PCSK5: variants seen among roughly 807,000 people sequenced by gnomAD.
PCSK5 encodes prohormone convertase 5.
A neutral mutation model predicts 233.2 loss-of-function variants in PCSK5; 129 were observed. The ratio of observed to expected loss-of-function variants is 0.55; its 90% CI spans 0.48 to 0.64. PCSK5 has a LOEUF of 0.64. PCSK5 is among the 30% of genes least tolerant of loss of function. PCSK5 has a pLI of 0.00. For synonymous variants in PCSK5, 825 were observed against 879.2 expected (o/e 0.94, Z 1.09); for missense variants, 2,076 against 2,430.1 (o/e 0.85, Z 3.06).
intron 20 of PCSK5, among the ~76,000 whole-genome samples, chr9:76,190,314 C>G (rs1215329362): frequency 1.4e-5 from 2 of 141,150 alleles, no homozygotes; most frequent in Non-Finnish European, 3.0e-5. Flanking sequence ...ACCTACTCAT[C>G]TCTCCCACCC....
At chr9:76,117,168 G>A (rs529547405) in intron 9 of PCSK5, among the ~76,000 whole-genome samples, 112 of 152,066 alleles carry the variant, frequency 7.4e-4, no homozygotes, top group Non-Finnish European at 1.3e-3. Context: ...GCCTGGCACC[G>A]TGCTAAGAAC....
chr9:76,219,395 C>A (rs1164113623), intron 20 of PCSK5, among the ~76,000 whole-genome samples: 2 of 152,098 alleles, frequency 1.3e-5, no homozygotes, highest in Admixed American at 1.3e-4. Context: ...GAGGGAGGTT[C>A]ATTGGGTTGC....
In PCSK5 at chr9:76,320,535, A is replaced by G. The variant is rs559662988; in HGVS notation, c.3885-887A>G. 2.0e-4 allele frequency among the ~76,000 whole-genome samples: 24 copies of G among 119,992 alleles called. No homozygotes were observed. The South Asian group carries it at 6.8e-3, about 34-fold the overall frequency. The allele number at this position is 119,992 out of a possible 152,430, so 78.7% of individuals were successfully genotyped here. On this transcript the variant is annotated intron_variant, in intron 30 of 37. Transcript: ENST00000674117. ...CTAGGCTGGAGTGCAGTGGAGTGGC[A>G]CAATCTTGGCTCACCTCAACCTCTG...
chr9:76,297,162 G>A (rs1434577509), intron 27 of PCSK5, among the ~76,000 whole-genome samples: 5 of 152,174 alleles, frequency 3.3e-5, no homozygotes, highest in Admixed American at 3.3e-4. Flanking sequence ...AGTGAAGAGA[G>A]TCACGGAGGG....
chr9:75,975,064 A>G (rs1480576318), intron 2 of PCSK5, among the ~76,000 whole-genome samples: 1 of 152,218 alleles, frequency 6.6e-6, no homozygotes, highest in African/African-American at 2.4e-5. Context: ...TAAAAAACAT[A>G]GAACTGAAGC....
At chr9:76,322,474 T>C (rs1376679007) in intron 31 of PCSK5, among the ~76,000 whole-genome samples, 1 of 152,188 alleles carries the variant, frequency 6.6e-6, no homozygotes, top group East Asian at 1.9e-4. Flanking sequence ...GACAGACTCA[T>C]TTAACTGGTG....
intron 7 of PCSK5, among the ~76,000 whole-genome samples, chr9:76,087,851 T>G (rs1831126799): frequency 6.6e-6 from 1 of 152,056 alleles, no homozygotes; most frequent in South Asian, 2.1e-4. Flanking sequence ...GGTTCAGATG[T>G]GGAGGAAGAG....
intron 4 of PCSK5, among the ~76,000 whole-genome samples, chr9:76,025,894 T>C (rs1463889716): frequency 6.6e-6 from 1 of 151,934 alleles, no homozygotes; most frequent in Non-Finnish European, 1.5e-5. Flanking sequence ...TTATGAAAAA[T>C]AGCTCTAACT....
intron 8 of PCSK5, among the ~76,000 whole-genome samples, chr9:76,100,049 G>T (rs1203102378): frequency 3.9e-5 from 6 of 152,150 alleles, no homozygotes; most frequent in African/African-American, 1.4e-4. Context: ...GGAAAGCCTT[G>T]CCCTGGGTTT....
chr9:76,198,783 AACAG>A (rs1271083826), intron 20 of PCSK5, among the ~76,000 whole-genome samples: 1 of 152,190 alleles, frequency 6.6e-6, no homozygotes, highest in Non-Finnish European at 1.5e-5. Flanking sequence ...TAATGAGGGA[AACAG>A]ACACTTAGAC....
intron 7 of PCSK5, among the ~76,000 whole-genome samples, chr9:76,085,440 T>C (rs1006460437): frequency 6.6e-6 from 1 of 152,236 alleles, no homozygotes; most frequent in Non-Finnish European, 1.5e-5. Flanking sequence ...GGACTTGCTT[T>C]ACAGAGCTAT....
chr9:76,145,955 C>A (rs902909435), intron 10 of PCSK5, among the ~76,000 whole-genome samples: 1 of 152,236 alleles, frequency 6.6e-6, no homozygotes, highest in South Asian at 2.1e-4. Flanking sequence ...GCACCTAGCA[C>A]TATAAAGTGA....
At chr9:75,924,910 C>T (rs1823414951) in intron 1 of PCSK5, among the ~76,000 whole-genome samples, 1 of 152,170 alleles carries the variant, frequency 6.6e-6, no homozygotes, top group Non-Finnish European at 1.5e-5. Context: ...CGGGCAGGTT[C>T]TTACACTCTG....
At chr9:76,272,973 T>A (rs187325188) in intron 24 of PCSK5, among the ~76,000 whole-genome samples, 2 of 151,682 alleles carry the variant, frequency 1.3e-5, no homozygotes, top group East Asian at 3.9e-4. Context: ...CCCATCCTAT[T>A]ATTGAAAACC....
At chr9:75,983,364 A>G (rs941678435) in intron 2 of PCSK5, among the ~76,000 whole-genome samples, 1 of 152,266 alleles carries the variant, frequency 6.6e-6, no homozygotes, top group Admixed American at 6.5e-5. Flanking sequence ...AATGAGATAC[A>G]AGTTCAGCTG....
At chr9:76,249,942 G>A (rs1342840291) in intron 24 of PCSK5, among the ~76,000 whole-genome samples, 1 of 152,154 alleles carries the variant, frequency 6.6e-6, no homozygotes, top group Non-Finnish European at 1.5e-5. Flanking sequence ...TGGTGGATAA[G>A]TAAATAGGAA....
At chr9:76,279,106 C>T (rs933947609) in intron 24 of PCSK5, among the ~76,000 whole-genome samples, 1 of 135,406 alleles carries the variant, frequency 7.4e-6, no homozygotes, top group African/African-American at 2.8e-5. Context: ...TGTTCCCCTT[C>T]CTGTGTCCAT....
At chr9:76,091,357 A>T (rs556461608) in intron 7 of PCSK5, among the ~76,000 whole-genome samples, 14 of 151,986 alleles carry the variant, frequency 9.2e-5, no homozygotes, top group African/African-American at 3.1e-4. Context: ...GAGAGATCTG[A>T]GCTCTGTTAT....
At chr9:75,971,254 G>T (rs760798251) in intron 2 of PCSK5, among the ~76,000 whole-genome samples, 2 of 152,150 alleles carry the variant, frequency 1.3e-5, no homozygotes, top group African/African-American at 4.8e-5. Flanking sequence ...CCCTGCAAAG[G>T]ACATGATTTT....
Sources: allele counts gnomAD v4.1 joint callset (sites outside exome capture counted in the v4.1 genomes callset), GRCh38; gene constraint gnomAD v4.1.1; transcripts MANE v1.5; gene names NCBI Gene and HGNC (gene_info 2026-07-23, HGNC 2026-07-21).